The following ELP4 variants were observed in gnomAD, a reference collection of about 807,000 sequenced individuals.
ELP4 encodes the protein elongator complex protein 4.
Under a neutral mutation model 48.9 loss-of-function variants are expected in ELP4, and 51 were observed. The ratio of observed to expected loss-of-function variants is 1.04; its 90% CI spans 0.83 to 1.32. The LOEUF is 1.32. Among genes scored for constraint, ELP4 ranks in the 40% most tolerant of loss-of-function variants. The pLI is 0.00. For missense variants in ELP4, 519 were observed against 514.6 expected, an observed-to-expected ratio of 1.01 and a Z score of -0.08; for synonymous variants, 210 against 189.2, an observed-to-expected ratio of 1.11 and a Z score of -0.90.
In ELP4 at chr11:31,603,848, A is replaced by G; in HGVS notation, c.594A>G (p.Ser198=). Residue 198 remains serine, a synonymous_variant, in exon 5 of 10, where the codon TCA becomes TCG. Transcript: ENST00000640961. ...KRMPQELIEA[S]NWHGFFLPEK... is the part of the protein sequence containing the mutation. ...TGCCACAAGAACTAATTGAGGCTTC[A>G]AATTGGCATGGATTTTTTCTTCCAG... 6.2e-7 allele frequency: 1 copy of G among 1,611,702 alleles called. No homozygotes were observed. The highest frequency in any genetic ancestry group is 8.5e-7 in the Non-Finnish European group (1 of 1,178,370).
intron 1 of ELP4, among the ~76,000 whole-genome samples, chr11:31,518,209 C>T (rs1451324812): frequency 2.0e-5 from 3 of 150,380 alleles, no homozygotes; most frequent in South Asian, 2.1e-4. Flanking sequence ...CTGGTTCAAG[C>T]GATTCTCCTG....
chr11:31,690,949 T>G (rs1946267348), intron 9 of ELP4, among the ~76,000 whole-genome samples: 1 of 152,058 alleles, frequency 6.6e-6, no homozygotes, highest in African/African-American at 2.4e-5. Flanking sequence ...ATTTCCTACA[T>G]TAAGACTTCA....
chr11:31,598,366 G>T (rs1248818236), intron 4 of ELP4, among the ~76,000 whole-genome samples: 1 of 151,824 alleles, frequency 6.6e-6, no homozygotes, highest in African/African-American at 2.4e-5. Flanking sequence ...TACTATCCTT[G>T]CCCCAGTGAG....
intron 9 of ELP4, chr11:31,689,391 G>T (rs1946227837): frequency 6.6e-6 from 1 of 150,892 alleles, no homozygotes; most frequent in Admixed American, 6.6e-5. Flanking sequence ...CAGCAGTGAG[G>T]TTCAGTTGTG....
At chr11:31,710,073 G>A (rs190952630) in intron 9 of ELP4, among the ~76,000 whole-genome samples, 79 of 152,016 alleles carry the variant, frequency 5.2e-4, no homozygotes, top group Admixed American at 2.2e-3. Context: ...TTTATAGTGG[G>A]GCCATATTTC....
chr11:31,614,659 G>A lies in ELP4; in HGVS notation c.653+10752G>A, dbSNP rs951376496. On this transcript the variant is annotated intron_variant, in intron 5 of 9. Coordinates refer to ENST00000640961, the MANE Select transcript of ELP4 (RefSeq NM_019040.5). ...CTTAATCAAGTTAACATCACCAGTA[G>A]TGGGGATGATCAAAAGCATGTATCA... Among the ~76,000 whole-genome samples the A allele has an allele frequency of 3.3e-5, 5 of 152,206 alleles. No homozygotes were observed. In the South Asian group the frequency reaches 1.0e-3, roughly 31 times the overall value.
chr11:31,635,818 A>T (rs1944963000), intron 7 of ELP4, among the ~76,000 whole-genome samples: 1 of 152,076 alleles, frequency 6.6e-6, no homozygotes, highest in South Asian at 2.1e-4. Flanking sequence ...AAAAAATAAG[A>T]TATAAAAGTC....
intron 3 of ELP4, among the ~76,000 whole-genome samples, chr11:31,588,856 A>G (rs1040721144): frequency 1.3e-5 from 2 of 152,090 alleles, no homozygotes; most frequent in African/African-American, 2.4e-5. Context: ...GGTGGCGCAC[A>G]CCAGTCATCC....
chr11:31,538,344 A>G (rs1172337139), intron 2 of ELP4, among the ~76,000 whole-genome samples: 1 of 148,344 alleles, frequency 6.7e-6, no homozygotes, highest in Non-Finnish European at 1.5e-5. Context: ...ACTCTATTAT[A>G]TTGCATTACT....
chr11:31,672,294 A>G (rs551172054), intron 9 of ELP4, among the ~76,000 whole-genome samples: 1 of 152,274 alleles, frequency 6.6e-6, no homozygotes, highest in Non-Finnish European at 1.5e-5. Flanking sequence ...GTTTGTAAGA[A>G]CTGTTCAAAT....
intron 5 of ELP4, among the ~76,000 whole-genome samples, chr11:31,618,416 G>A (rs1944543079): frequency 6.6e-6 from 1 of 152,086 alleles, no homozygotes; most frequent in South Asian, 2.1e-4. Context: ...CCAGAGGGGA[G>A]GAACCCTGTT....
intron 9 of ELP4, chr11:31,651,432 G>A (rs1371762181): frequency 6.6e-6 from 1 of 151,692 alleles, no homozygotes; most frequent in Non-Finnish European, 1.5e-5. Context: ...CTCATCTGGG[G>A]ACACTCCCTT....
chr11:31,707,292 T>A (rs1447623008), intron 9 of ELP4: 3 of 305,564 alleles, frequency 9.8e-6, no homozygotes, highest in Admixed American at 5.0e-5. Flanking sequence ...ACTAGCAATA[T>A]CCTTGATGTT....
chr11:31,609,214 G>T (rs1002658031), intron 5 of ELP4, among the ~76,000 whole-genome samples: 1 of 152,098 alleles, frequency 6.6e-6, no homozygotes, highest in African/African-American at 2.4e-5. Context: ...TGTGCCCTTG[G>T]GTGCTATTGC....
At chr11:31,771,644 T>C (rs1948144728) in intron 9 of ELP4, among the ~76,000 whole-genome samples, 1 of 152,204 alleles carries the variant, frequency 6.6e-6, no homozygotes, top group South Asian at 2.1e-4. Context: ...TCCCTTTGCC[T>C]GGGACTTCTT....
chr11:31,790,014 T>A lies in ELP4; in HGVS notation c.*6490T>A, dbSNP rs2134385128. 1 of 1,579,676 alleles carries A rather than the reference T, an allele frequency of 6.3e-7. No individual in the cohort carries two copies. The highest frequency in any genetic ancestry group is 8.5e-7 in the Non-Finnish European group (1 of 1,171,368). ...ACTGGAACTGACACACCAGGGGAAA[T>A]GAGTCCTAGAAGTGGATGAAAGAAA... On this transcript the variant is annotated 3_prime_UTR_variant, in exon 10 of 10. Coordinates refer to ENST00000640961, the MANE Select transcript of ELP4 (RefSeq NM_019040.5).
chr11:31,779,884 A>G (rs936329092), intron 9 of ELP4: 1 of 152,230 alleles, frequency 6.6e-6, no homozygotes, highest in African/African-American at 2.4e-5. Context: ...CCTGCATCAC[A>G]CAGTCTCTTC....
chr11:31,639,471 T>G (rs1412477628), intron 7 of ELP4, among the ~76,000 whole-genome samples: 1 of 151,912 alleles, frequency 6.6e-6, no homozygotes, highest in Non-Finnish European at 1.5e-5. Context: ...CTTTTTTTCT[T>G]GTTTCAGACT....
intron 9 of ELP4, among the ~76,000 whole-genome samples, chr11:31,777,721 G>C (rs1948279638): frequency 6.6e-6 from 1 of 152,212 alleles, no homozygotes; most frequent in South Asian, 2.1e-4. Flanking sequence ...CACAAGCTAA[G>C]AAGAGCATCA....
Sources: gnomAD v4.1 joint callset for allele counts (sites outside exome capture counted in the v4.1 genomes callset) on GRCh38, gnomAD v4.1.1 for gene constraint, MANE v1.5 for transcripts, NCBI Gene and HGNC (gene_info 2026-07-23, HGNC 2026-07-21) for gene names.